The following THSD7B variants were observed in gnomAD, a reference collection of about 807,000 sequenced individuals.
THSD7B encodes thrombospondin type-1 domain-containing protein 7B.
In THSD7B, 138 loss-of-function variants were observed where a neutral mutation model predicts 213.6. The observed-to-expected ratio is 0.65, with a 90% confidence interval of 0.56 to 0.74. THSD7B has a LOEUF of 0.74. Among genes scored for constraint, THSD7B ranks in the 30% least tolerant of loss-of-function variants. THSD7B has a pLI of 0.00. For synonymous variants in THSD7B, 742 were observed against 687.0 expected (o/e 1.08, Z -1.25); for missense variants, 1,931 against 1,991.5 (o/e 0.97, Z 0.58).
chr2:137,663,249 T>C, intron 25 of THSD7B, 134 bp from the exon 26 acceptor site: 1 of 598,532 alleles, frequency 1.7e-6, no homozygotes, highest in Non-Finnish European at 2.6e-6. Flanking sequence ...TTCATGTCAC[T>C]GGTAAGTCAG....
At chr2:137,033,259 T>C (rs1686708664) in intron 2 of THSD7B, among the ~76,000 whole-genome samples, 1 of 152,190 alleles carries the variant, frequency 6.6e-6, no homozygotes, top group African/African-American at 2.4e-5. Flanking sequence ...TAAAGAGTCT[T>C]CTAGAAGCTG....
intron 14 of THSD7B, among the ~76,000 whole-genome samples, chr2:137,441,939 T>C (rs1204732499): frequency 1.3e-5 from 2 of 152,126 alleles, no homozygotes; most frequent in African/African-American, 4.8e-5. Context: ...CTCTGCTATA[T>C]AGCTTTTAGT....
chr2:137,405,950 G>T (rs559534079), intron 13 of THSD7B, 143 bp downstream of exon 13: 2 of 651,856 alleles, frequency 3.1e-6, no homozygotes, highest in Admixed American at 3.4e-5. Flanking sequence ...CTCAAACTCA[G>T]AACAATGCCT....
At chr2:137,013,248 C>G (rs2104836002) in intron 2 of THSD7B, among the ~76,000 whole-genome samples, 1 of 152,210 alleles carries the variant, frequency 6.6e-6, no homozygotes, top group Admixed American at 6.5e-5. Flanking sequence ...ATATATGAAA[C>G]AATAGGTTTG....
intron 10 of THSD7B, among the ~76,000 whole-genome samples, chr2:137,244,382 T>A (rs1681979585): frequency 6.6e-6 from 1 of 152,210 alleles, no homozygotes; most frequent in East Asian, 1.9e-4. Context: ...TTGGAGTTAT[T>A]GAAGTCTCTT....
chr2:137,286,479 A>G (rs1260624381), intron 12 of THSD7B, among the ~76,000 whole-genome samples: 4 of 152,170 alleles, frequency 2.6e-5, no homozygotes, highest in Non-Finnish European at 4.4e-5. Context: ...GAGACAAAGG[A>G]TACCTCTGGA....
At chr2:136,959,778 G>A (rs549078455) in intron 2 of THSD7B, among the ~76,000 whole-genome samples, 6 of 152,224 alleles carry the variant, frequency 3.9e-5, no homozygotes, top group African/African-American at 1.4e-4. Context: ...ACATAGGAGT[G>A]TTTCTCTGCT....
chr2:136,807,448 A>G (rs934597949), intron 1 of THSD7B, among the ~76,000 whole-genome samples: 1 of 149,900 alleles, frequency 6.7e-6, no homozygotes, highest in Non-Finnish European at 1.5e-5. Context: ...CATTCCTTTG[A>G]CATACCCTTA....
intron 15 of THSD7B, among the ~76,000 whole-genome samples, chr2:137,466,939 G>C (rs1054563239): frequency 6.6e-6 from 1 of 152,100 alleles, no homozygotes; most frequent in African/African-American, 2.4e-5. Flanking sequence ...GCAGTTTGCA[G>C]AGTAGCCTCC....
At chr2:136,859,709 C>A (rs1051012859) in intron 1 of THSD7B, among the ~76,000 whole-genome samples, 3 of 152,052 alleles carry the variant, frequency 2.0e-5, no homozygotes, top group African/African-American at 7.2e-5. Flanking sequence ...GGCCACAGTG[C>A]GTTTTTATGT....
chr2:136,804,358 C>T (rs12620450), intron 1 of THSD7B, among the ~76,000 whole-genome samples: 16,352 of 151,158 alleles, frequency 0.11, 1,005 homozygotes, highest in South Asian at 0.2. Flanking sequence ...TCTTTAGCAC[C>T]AATGCATTAA....
intron 12 of THSD7B, among the ~76,000 whole-genome samples, chr2:137,327,176 G>A (rs918276496): frequency 6.6e-6 from 1 of 152,172 alleles, no homozygotes; most frequent in Non-Finnish European, 1.5e-5. Context: ...TAAAGCGCAA[G>A]CCTGTTTTAG....
chr2:137,459,094 A>C (rs1687827567), intron 15 of THSD7B, among the ~76,000 whole-genome samples: 1 of 152,080 alleles, frequency 6.6e-6, no homozygotes, highest in South Asian at 2.1e-4. Flanking sequence ...TTTTCCATGA[A>C]CTTTTTAAGG....
intron 10 of THSD7B, among the ~76,000 whole-genome samples, chr2:137,261,488 T>C (rs1682448039): frequency 6.6e-6 from 1 of 152,170 alleles, no homozygotes; most frequent in Admixed American, 6.5e-5. Context: ...TTATTGCCCT[T>C]TGATGTACTG....
At position 137,667,814 on chromosome 2, in the gene THSD7B, C is replaced by T. The variant is rs374061241; in HGVS notation, c.4692C>T (p.Gly1564=). The T allele has an allele frequency of 5.5e-5, 89 of 1,605,766 alleles. 1 individual carries two copies. Among genetic ancestry groups the T allele is most frequent in the Admixed American group, 1.7e-4 (10 of 58,874 alleles). The change falls in exon 27 of 28, where the codon GGC becomes GGT. Residue 1564 remains glycine (G), a synonymous_variant. Coordinates refer to ENST00000409968, the MANE Select transcript of THSD7B (RefSeq NM_001316349.2). ...TTTGGGTTTATGGCGTTTCAGGTGG[C>T]GCTTTTCTCATCATGATTTTCCTAA... ...VKIWVYGVSG[G]AFLIMIFLIF...
chr2:136,879,516 C>T (rs1411544512), intron 1 of THSD7B, among the ~76,000 whole-genome samples: 1 of 152,124 alleles, frequency 6.6e-6, no homozygotes, highest in Non-Finnish European at 1.5e-5. Flanking sequence ...GCAGTATGGC[C>T]ATTTTCACGA....
chr2:136,951,820 A>G (rs1204936169), intron 2 of THSD7B, among the ~76,000 whole-genome samples: 1 of 152,158 alleles, frequency 6.6e-6, no homozygotes, highest in Non-Finnish European at 1.5e-5. Flanking sequence ...TCTGCCATCT[A>G]CAATGCAGAT....
At chr2:136,841,729 C>T (rs77301606) in intron 1 of THSD7B, among the ~76,000 whole-genome samples, 4,765 of 151,976 alleles carry the variant, frequency 0.031, 133 homozygotes, top group East Asian at 0.15. Context: ...GGTGAACTTC[C>T]TGGTGGGGAT....
chr2:137,390,081 G>GA (rs1344027779), intron 12 of THSD7B, among the ~76,000 whole-genome samples: 1 of 152,064 alleles, frequency 6.6e-6, no homozygotes, highest in African/African-American at 2.4e-5. Context: ...CTATTTCTGT[G>GA]AAAAAAACGA....
Sources: gnomAD v4.1 joint callset for allele counts (sites outside exome capture counted in the v4.1 genomes callset) on GRCh38, gnomAD v4.1.1 for gene constraint, MANE v1.5 for transcripts, NCBI Gene and HGNC (gene_info 2026-07-23, HGNC 2026-07-21) for gene names.